The following STXBP5L variants were observed in gnomAD, a reference collection of about 807,000 sequenced individuals.
STXBP5L encodes the protein syntaxin binding protein 5L.
In STXBP5L, 65 loss-of-function variants were observed where a neutral mutation model predicts 144.5. The observed-to-expected ratio is 0.45, with a 90% confidence interval of 0.37 to 0.55. STXBP5L has a LOEUF of 0.55. Ranked by LOEUF, STXBP5L falls within the 20% of genes least tolerant of loss-of-function variation. STXBP5L has a pLI of 0.00. For synonymous variants in STXBP5L, 505 were observed against 469.6 expected (o/e 1.08, Z -0.97); for missense variants, 1,298 against 1,405.5 (o/e 0.92, Z 1.22).
chr3:121,153,662 C>T (rs563751255), intron 8 of STXBP5L, among the ~76,000 whole-genome samples: 1 of 151,902 alleles, frequency 6.6e-6, no homozygotes, highest in African/African-American at 2.4e-5. Flanking sequence ...AAGATATAAG[C>T]CTTCACCTAT....
At chr3:120,998,988 G>C (rs1475144044) in intron 3 of STXBP5L, among the ~76,000 whole-genome samples, 5 of 152,102 alleles carry the variant, frequency 3.3e-5, no homozygotes, top group Admixed American at 3.3e-4. Context: ...AATCATTGAG[G>C]AGTAGATTGT....
intron 10 of STXBP5L, among the ~76,000 whole-genome samples, chr3:121,214,703 G>A (rs1335144212): frequency 6.6e-6 from 1 of 152,206 alleles, no homozygotes; most frequent in African/African-American, 2.4e-5. Flanking sequence ...GCAGAGTTCT[G>A]TAGATGTCTA....
At position 121,041,793 on chromosome 3, in the gene STXBP5L, T is replaced by G. The variant is rs1401406225; in HGVS notation, c.369+12T>G. On this transcript the variant is annotated intron_variant, in intron 4 of 26. Transcript: ENST00000471454. Reference sequence around the variant, plus strand: ...TTTTGATCAATGAGGTAAGGATTATTTTTTGACTACTTAAATCACACACTC... The same window carrying G: ...TTTTGATCAATGAGGTAAGGATTATGTTTTGACTACTTAAATCACACACTC... 6.3e-7 allele frequency: 1 copy of G among 1,594,708 alleles called. No individual in the cohort carries two copies. The highest frequency in any genetic ancestry group is 1.1e-5 in the South Asian group (1 of 90,610).
chr3:121,052,286 T>A (rs902689455), intron 5 of STXBP5L, among the ~76,000 whole-genome samples: 1 of 151,692 alleles, frequency 6.6e-6, no homozygotes, highest in Non-Finnish European at 1.5e-5. Context: ...GGCAGAGACA[T>A]AACCAAAAAA....
At position 121,026,852 on chromosome 3, in the gene STXBP5L, A is replaced by T. The variant is rs142962449; in HGVS notation, c.288-14848A>T. Among the ~76,000 whole-genome samples, 488 of 151,330 alleles carry T rather than the reference A, an allele frequency of 3.2e-3. 3 individuals are homozygous for T. The highest frequency in any genetic ancestry group is 0.01 in the African/African-American group (434 of 41,340). ...CCTAAAACTTAAAGTATTATTAAAA[A>T]ATATATATATATAGTTATATTTCTA... On this transcript the variant is annotated intron_variant, in intron 3 of 26. Coordinates refer to ENST00000471454, the MANE Select transcript of STXBP5L (RefSeq NM_001308330.2).
chr3:121,387,963 A>G (rs1428758938), intron 22 of STXBP5L, among the ~76,000 whole-genome samples: 1 of 152,110 alleles, frequency 6.6e-6, no homozygotes, highest in Non-Finnish European at 1.5e-5. Flanking sequence ...CTTGATGGGG[A>G]TGGCATTGAA....
At chr3:121,075,845 T>C (rs1455364769) in intron 5 of STXBP5L, among the ~76,000 whole-genome samples, 1 of 152,248 alleles carries the variant, frequency 6.6e-6, no homozygotes, top group Non-Finnish European at 1.5e-5. Context: ...GCATACTGCC[T>C]GATATCTCCT....
intron 3 of STXBP5L, 151 bp from the exon 4 acceptor site, chr3:121,041,549 T>C: frequency 1.7e-6 from 1 of 571,590 alleles, no homozygotes. Context: ...TACAATTTAA[T>C]TTACATCTAC....
At position 121,193,353 on chromosome 3, in the gene STXBP5L, A is replaced by T. The variant is rs868142167; in HGVS notation, c.878-12570A>T. Reference sequence around the variant, plus strand: ...GCTGGAAAGGATGTGGAGAAATAGGAGCACTTTTACACTGTTAGTGGGAGT... The same window carrying T: ...GCTGGAAAGGATGTGGAGAAATAGGTGCACTTTTACACTGTTAGTGGGAGT... On this transcript the variant is annotated intron_variant, in intron 9 of 26. Transcript: ENST00000471454. Among the ~76,000 whole-genome samples the T allele has an allele frequency of 6.3e-5, 9 of 143,050 alleles. 1 individual carries two copies. The highest frequency in any genetic ancestry group is 4.9e-4 in the South Asian group (2 of 4,098). The allele number at this position is 143,050 out of a possible 152,430, so 93.8% of individuals were successfully genotyped here.
chr3:121,090,257 T>C (rs1166804005), intron 5 of STXBP5L, among the ~76,000 whole-genome samples: 1 of 152,078 alleles, frequency 6.6e-6, no homozygotes, highest in East Asian at 1.9e-4. Flanking sequence ...TAATGATAGG[T>C]GGGAATTGAA....
rs1343014952 is a variant in STXBP5L at position 121,407,245 on chromosome 3, ACAT to A, written c.2591_2593del (p.Thr864_Phe865delinsIle). The A allele has an allele frequency of 6.4e-7, 1 of 1,555,126 alleles. No homozygotes were observed. Among genetic ancestry groups the A allele is most frequent in the African/African-American group, 1.4e-5 (1 of 72,706 alleles). On this transcript the variant is annotated inframe_deletion, in exon 23 of 27. Transcript: ENST00000471454. ...GTGATGTCCAATTGTTTTTATAGGT[ACAT>A]TCCTCTCATTGAAAGGAGCTGTGCT...
chr3:121,366,579 C>G (rs1268514032), intron 20 of STXBP5L, among the ~76,000 whole-genome samples: 3 of 151,866 alleles, frequency 2.0e-5, no homozygotes, highest in Admixed American at 1.3e-4. Context: ...TTTTGGATAC[C>G]ATTTGCATGG....
chr3:121,264,020 A>G (rs909118302), intron 18 of STXBP5L, among the ~76,000 whole-genome samples: 2 of 152,180 alleles, frequency 1.3e-5, no homozygotes, highest in Admixed American at 1.3e-4. Flanking sequence ...CAGATTCACC[A>G]AGGTTGAAAT....
At chr3:121,222,653 A>G (rs1483938247) in intron 10 of STXBP5L, among the ~76,000 whole-genome samples, 1 of 152,188 alleles carries the variant, frequency 6.6e-6, no homozygotes, top group Non-Finnish European at 1.5e-5. Context: ...ATAGACTAAT[A>G]TTCCAATGAT....
intron 5 of STXBP5L, among the ~76,000 whole-genome samples, chr3:121,093,057 T>A (rs2042902615): frequency 6.6e-6 from 1 of 152,266 alleles, no homozygotes. Context: ...TGGTTCTGTT[T>A]ATATGCTGGA....
intron 5 of STXBP5L, among the ~76,000 whole-genome samples, chr3:121,108,292 G>A (rs748798185): frequency 1.3e-5 from 2 of 152,234 alleles, no homozygotes; most frequent in Non-Finnish European, 2.9e-5. Flanking sequence ...TCTTGTGCTG[G>A]TTTTCAAGGG....
Position 121,381,520 on chromosome 3 carries a change from G to C in STXBP5L, c.2575G>C (p.Val859Leu), listed in dbSNP as rs771209422. The C allele has an allele frequency of 6.3e-7, 1 of 1,591,160 alleles. No individual in the cohort carries two copies. Among genetic ancestry groups the C allele is most frequent in the Non-Finnish European group, 8.5e-7 (1 of 1,173,538 alleles). Residue 859 changes from valine (V) to leucine (L), a missense_variant, in exon 22 of 27, where the codon GTA (valine) becomes CTA (leucine). Transcript: ENST00000471454. ...DEQRFTEPVM[V>L]LPSGTFLSLK... ...ACAAAGGTTTACAGAGCCAGTCATG[G>C]TATTGCCAAGTGGTAAGAGTTTGTA...
In STXBP5L at chr3:121,419,179, G is replaced by T; in HGVS notation, c.*82G>T. 7.6e-7 allele frequency: 1 copy of T among 1,310,812 alleles called. No individual in the cohort carries two copies. Among genetic ancestry groups the T allele is most frequent in the Middle Eastern group, 1.9e-4 (1 of 5,174 alleles). 81.2% of individuals were successfully genotyped at this position (1,310,812 alleles called of 1,614,324 possible). A position where few individuals can be genotyped will look rare whatever the true frequency, so the allele number is the denominator to read the frequency against. ...TCCCAGCATCACTACTCAACTGCTA[G>T]AAGCCAGTTTCTTCTACAAAATGTT... On this transcript the variant is annotated 3_prime_UTR_variant, in exon 27 of 27. Coordinates refer to ENST00000471454, the MANE Select transcript of STXBP5L (RefSeq NM_001308330.2).
chr3:121,333,682 A>G, intron 20 of STXBP5L, among the ~76,000 whole-genome samples: 1 of 152,156 alleles, frequency 6.6e-6, no homozygotes, highest in East Asian at 1.9e-4. Context: ...ATTACAAACA[A>G]CAAAGGGAGG....
Sources: gnomAD v4.1 joint callset for allele counts (sites outside exome capture counted in the v4.1 genomes callset) on GRCh38, gnomAD v4.1.1 for gene constraint, MANE v1.5 for transcripts, NCBI Gene and HGNC (gene_info 2026-07-23, HGNC 2026-07-21) for gene names.